BCHE: variants seen among roughly 807,000 people sequenced by gnomAD.
The protein encoded by BCHE is butyrylcholinesterase.
Under a neutral mutation model 51.3 loss-of-function variants are expected in BCHE, and 48 were observed. The ratio of observed to expected loss-of-function variants is 0.94; its 90% CI spans 0.74 to 1.19. The LOEUF (loss-of-function observed/expected upper bound fraction) is 1.19, where lower values mean the gene tolerates loss of function less well. Ranked by LOEUF, BCHE falls within the 50% of genes most tolerant of loss-of-function variation. The pLI, the probability that BCHE is intolerant of heterozygous loss-of-function variation, is 0.00. For synonymous variants in BCHE, 251 were observed against 238.0 expected, an observed-to-expected ratio of 1.05 and a Z score of -0.50; for missense variants, 847 against 708.2, an observed-to-expected ratio of 1.20 and a Z score of -2.23.
chr3:165,773,632 C>G (rs1490580137), intron 3 of BCHE, 126 bp from the exon 4 acceptor site: 3 of 729,242 alleles, frequency 4.1e-6, no homozygotes, highest in African/African-American at 3.6e-5. Flanking sequence ...TTTATTTATT[C>G]TTTATTATTT....
chr3:165,813,434 G>A (rs960119933), intron 2 of BCHE, among the ~76,000 whole-genome samples: 2 of 151,388 alleles, frequency 1.3e-5, no homozygotes, highest in Non-Finnish European at 3.0e-5. Flanking sequence ...ATTTGATTAT[G>A]TGTCTATATC....
At chr3:165,775,961 T>G (rs574468489) in intron 3 of BCHE, among the ~76,000 whole-genome samples, 34 of 152,076 alleles carry the variant, frequency 2.2e-4, no homozygotes, top group African/African-American at 7.0e-4. Flanking sequence ...GTCTTCTTAT[T>G]TCATATTGGC....
At chr3:165,827,884 C>T (rs895766213) in intron 2 of BCHE, 3 of 332,950 alleles carry the variant, frequency 9.0e-6, no homozygotes, top group African/African-American at 4.4e-5. Flanking sequence ...AATATAATAA[C>T]CCACATATCT....
intron 1 of BCHE, among the ~76,000 whole-genome samples, chr3:165,834,684 G>T (rs373893829): frequency 2.0e-5 from 3 of 151,686 alleles, no homozygotes; most frequent in Non-Finnish European, 3.0e-5. Flanking sequence ...TTGAGCAATC[G>T]AAAGAGAAAT....
intron 2 of BCHE, among the ~76,000 whole-genome samples, chr3:165,806,317 A>G (rs1200463779): frequency 1.3e-5 from 2 of 152,088 alleles, no homozygotes; most frequent in African/African-American, 2.4e-5. Context: ...TCTTACCCCA[A>G]AACTTTTTAT....
intron 2 of BCHE, among the ~76,000 whole-genome samples, chr3:165,824,724 T>C (rs898239059): frequency 1.3e-5 from 2 of 152,048 alleles, no homozygotes; most frequent in African/African-American, 4.8e-5. Flanking sequence ...AGTGTATATT[T>C]AGATACTAGC....
At chr3:165,806,772 T>C (rs1576854298) in intron 2 of BCHE, among the ~76,000 whole-genome samples, 1 of 152,088 alleles carries the variant, frequency 6.6e-6, no homozygotes, top group East Asian at 1.9e-4. Flanking sequence ...GCCTAAATAA[T>C]AGCCAAATCA....
chr3:165,795,680 G>A lies in BCHE; in HGVS notation c.1518-9369C>T, dbSNP rs569038143. Reference sequence around the variant, plus strand: ...AGTTTTTTTCTTAGTTAAATAATAAGGTTTGCTATTTTTGGGCAGGAATCA... The same window carrying A: ...AGTTTTTTTCTTAGTTAAATAATAAAGTTTGCTATTTTTGGGCAGGAATCA... On this transcript the variant is annotated intron_variant, in intron 2 of 3. Transcript: ENST00000264381. Among the ~76,000 whole-genome samples the A allele has an allele frequency of 2.0e-5, 3 of 152,074 alleles. 1 individual carries two copies. In the South Asian group the frequency reaches 6.2e-4, roughly 32 times the overall value.
rs3836432 is a variant in BCHE at position 165,773,088 on chromosome 3, G to GAA, written c.*292_*293dup. ...AGCAGAGCACTGATAATTTTGGGGGGAAAAACTTAAATTTATTAAGGAAAG... is the reference window on the plus strand; with the variant it reads ...AGCAGAGCACTGATAATTTTGGGGGGAAAAAAACTTAAATTTATTAAGGAAAG... On this transcript the variant is annotated 3_prime_UTR_variant, in exon 4 of 4. Transcript: ENST00000264381. 5 of 235,266 alleles carry GAA rather than the reference G, an allele frequency of 2.1e-5. No individual in the cohort carries two copies. In the South Asian group the frequency reaches 3.9e-4, roughly 18 times the overall value. 14.6% of individuals were successfully genotyped at this position (235,266 alleles called of 1,614,324 possible).
rs182090518 is a variant in BCHE, at chr3:165,827,811, C to G, written c.1517+1706G>C. On this transcript the variant is annotated intron_variant, in intron 2 of 3. Coordinates refer to ENST00000264381, the MANE Select transcript of BCHE (RefSeq NM_000055.4). Reference sequence around the variant, plus strand: ...CACCTCTAAAAATAAGCTGATCGTTCTTTCCTTGAGCAGAAATTTATGCTG... The same window carrying G: ...CACCTCTAAAAATAAGCTGATCGTTGTTTCCTTGAGCAGAAATTTATGCTG... Among the ~76,000 whole-genome samples the G allele has an allele frequency of 2.0e-3, 301 of 152,166 alleles. 2 individuals carry two copies. The highest frequency in any genetic ancestry group is 3.0e-3 in the Non-Finnish European group (201 of 67,962).
intron 2 of BCHE, among the ~76,000 whole-genome samples, chr3:165,827,149 A>G (rs982907266): frequency 6.6e-6 from 1 of 152,140 alleles, no homozygotes; most frequent in African/African-American, 2.4e-5. Context: ...AAGCTTCTAT[A>G]TTAATTCGCA....
chr3:165,800,371 C>T (rs1713589864), intron 2 of BCHE, among the ~76,000 whole-genome samples: 1 of 152,058 alleles, frequency 6.6e-6, no homozygotes, highest in African/African-American at 2.4e-5. Context: ...AAAAATAGAC[C>T]TGCATTCAGG....
At chr3:165,808,287 A>T (rs749271462) in intron 2 of BCHE, among the ~76,000 whole-genome samples, 22 of 152,092 alleles carry the variant, frequency 1.4e-4, no homozygotes, top group Admixed American at 2.6e-4. Flanking sequence ...GTTGTAAATA[A>T]TGTTAAGTGT....
At chr3:165,821,928 T>TTC (rs201024160) in intron 2 of BCHE, among the ~76,000 whole-genome samples, 9,681 of 152,050 alleles carry the variant, frequency 0.064, 390 homozygotes, top group African/African-American at 0.098. Context: ...GTGAAAAATG[T>TTC]ATTAATACAT....
At chr3:165,825,923 G>C (rs1329823346) in intron 2 of BCHE, among the ~76,000 whole-genome samples, 1 of 152,032 alleles carries the variant, frequency 6.6e-6, no homozygotes, top group Non-Finnish European at 1.5e-5. Flanking sequence ...CCATCAGATA[G>C]AAACAAAGCA....
chr3:165,830,753 C>T lies in BCHE; in HGVS notation c.281G>A (p.Cys94Tyr). Residue 94 changes from cysteine to tyrosine, a missense_variant, in exon 2 of 4, where the codon TGT becomes TAT. Transcript: ENST00000264381. ...TGGAAAACTTTGATCTATGTTCTGACAGCAAGAATTTGCATATTTTGTGGC... is the reference window on the plus strand; with the variant it reads ...TGGAAAACTTTGATCTATGTTCTGATAGCAAGAATTTGCATATTTTGTGGC... ...WNATKYANSC[C>Y]QNIDQSFPGF... The T allele has an allele frequency of 3.7e-6, 6 of 1,613,786 alleles. No homozygotes were observed. The highest frequency in any genetic ancestry group is 5.1e-6 in the Non-Finnish European group (6 of 1,179,876).
At chr3:165,809,456 G>GT (rs1486875693) in intron 2 of BCHE, among the ~76,000 whole-genome samples, 1 of 151,822 alleles carries the variant, frequency 6.6e-6, no homozygotes, top group African/African-American at 2.4e-5. Context: ...TACTTTTAAT[G>GT]TTTTTATTAT....
At position 165,830,701 on chromosome 3, in the gene BCHE, G is replaced by A; in HGVS notation, c.333C>T (p.Asn111=). Residue 111 remains asparagine (N), a synonymous_variant, in exon 2 of 4, where the codon AAC becomes AAT. Coordinates refer to ENST00000264381, the MANE Select transcript of BCHE (RefSeq NM_000055.4). ...AGTCTTCACTGAGGTCAGTGTTTGG[G>A]TTCCACATCTCTGATCCATGGAAGC... is the stretch of plus-strand genomic sequence containing the variant. The part of the protein sequence containing the change: ...FPGFHGSEMW[N]PNTDLSEDCL... 1 of 1,613,998 alleles carries A rather than the reference G, an allele frequency of 6.2e-7. No homozygotes were observed. The highest frequency in any genetic ancestry group is 8.5e-7 in the Non-Finnish European group (1 of 1,179,956).
intron 2 of BCHE, among the ~76,000 whole-genome samples, chr3:165,808,538 T>C (rs1468864162): frequency 6.6e-6 from 1 of 152,180 alleles, no homozygotes; most frequent in Non-Finnish European, 1.5e-5. Flanking sequence ...ATCTATGATG[T>C]TGTAAGATTA....
Sources: gnomAD v4.1 joint callset for allele counts (sites outside exome capture counted in the v4.1 genomes callset) on GRCh38, gnomAD v4.1.1 for gene constraint, MANE v1.5 for transcripts, NCBI Gene and HGNC (gene_info 2026-07-23, HGNC 2026-07-21) for gene names.